AHRR: variants seen among roughly 807,000 people sequenced by gnomAD.
AHRR encodes aryl hydrocarbon receptor repressor.
AHRR carries 28 observed loss-of-function variants against 44.0 expected under a neutral mutation model. That is an observed-to-expected ratio of 0.64 (90% CI 0.47 to 0.87). The LOEUF is 0.87. Ranked by LOEUF, AHRR falls within the 40% of genes least tolerant of loss-of-function variation. AHRR has a pLI of 0.00. For missense variants in AHRR, 990 were observed against 953.9 expected (o/e 1.04, Z -0.50); for synonymous variants, 434 against 407.0 (o/e 1.07, Z -0.80).
At chr5:396,775 C>T (rs1435871590) in intron 4 of AHRR, among the ~76,000 whole-genome samples, 3 of 152,070 alleles carry the variant, frequency 2.0e-5, no homozygotes, top group African/African-American at 7.3e-5. Context: ...GTCCAGCTCC[C>T]CCTGCATTCG....
rs1742451166 is a variant in AHRR at position 343,728 on chromosome 5, A to AGGGGTCCCGGGCCAG, written c.-10-156_-10-142dup. 6.3e-6 allele frequency: 4 copies of AGGGGTCCCGGGCCAG among 630,856 alleles called. No individual in the cohort carries two copies. In the East Asian group the frequency reaches 9.9e-5, roughly 16 times the overall value. 39.1% of individuals were successfully genotyped at this position (630,856 alleles called of 1,614,324 possible). On this transcript the variant is annotated intron_variant, in intron 1 of 10. Transcript: ENST00000684583. Reference sequence around the variant, plus strand: ...TCCTCGGTGCGGGGTGCTGGAGAGCAGGGGTCCCGGGCCAGGGGGTCCCAC... The same window carrying AGGGGTCCCGGGCCAG: ...TCCTCGGTGCGGGGTGCTGGAGAGCAGGGGTCCCGGGCCAGGGGGTCCCGGGCCAGGGGGTCCCAC...
intron 4 of AHRR, among the ~76,000 whole-genome samples, chr5:410,099 C>T (rs1735414061): frequency 6.6e-6 from 1 of 152,208 alleles, no homozygotes; most frequent in African/African-American, 2.4e-5. Flanking sequence ...GTGACCAGAG[C>T]TTTATAGGAA....
At chr5:359,605 A>C (rs956008000) in intron 3 of AHRR, among the ~76,000 whole-genome samples, 11 of 152,204 alleles carry the variant, frequency 7.2e-5, no homozygotes, top group South Asian at 2.1e-4. Context: ...TGTCAGGATG[A>C]TGCTGCTCCC....
At chr5:364,813 G>A (rs1036669213) in intron 3 of AHRR, among the ~76,000 whole-genome samples, 1 of 152,068 alleles carries the variant, frequency 6.6e-6, no homozygotes, top group African/African-American at 2.4e-5. Flanking sequence ...AGGGTATACT[G>A]GGGAAATATA....
rs115581932 is a variant in AHRR at position 383,856 on chromosome 5, C to T, written c.351+7140C>T. 6.6e-6 allele frequency among the ~76,000 whole-genome samples: 1 copy of T among 152,286 alleles called. No individual in the cohort carries two copies. Among genetic ancestry groups the T allele is most frequent in the Non-Finnish European group, 1.5e-5 (1 of 68,028 alleles). ...TTGAGATTACAGGTGTGAGCCACCA[C>T]ACCCAGCCCCCAGCTTTCTTTTGAT... On this transcript the variant is annotated intron_variant, in intron 4 of 10. Transcript: ENST00000684583. This position sits in a 1 kb window ranked among gnomAD's most constrained non-coding sequence, Gnocchi z 4.0.
rs1734244874 is a variant in AHRR at position 388,137 on chromosome 5, G to C, written c.351+11421G>C. On this transcript the variant is annotated intron_variant, in intron 4 of 10. Transcript: ENST00000684583. This position sits in a 1 kb window ranked among gnomAD's most constrained non-coding sequence, Gnocchi z 5.2. ...ACAGGAAGGTCACATTCATGGGTTT[G>C]GAAGGAAATGAATTTTGGAGGACAC... Among the ~76,000 whole-genome samples, 4 of 152,298 alleles carry C rather than the reference G, an allele frequency of 2.6e-5. No homozygotes were observed. The South Asian group carries it at 8.3e-4, about 32-fold the overall frequency.
intron 5 of AHRR, among the ~76,000 whole-genome samples, chr5:420,226 C>G (rs190821575): frequency 1.5e-3 from 228 of 152,330 alleles, no homozygotes; most frequent in Non-Finnish European, 2.5e-3. Context: ...GGTAAGAGAG[C>G]TGTGAAGTCC....
At chr5:331,809 G>A (rs990690267) in intron 1 of AHRR, among the ~76,000 whole-genome samples, 3 of 152,108 alleles carry the variant, frequency 2.0e-5, no homozygotes, top group Non-Finnish European at 4.4e-5. Flanking sequence ...TAGGTTGCAC[G>A]TTCCTTATGA....
chr5:433,456 G>T (rs1432230875), intron 10 of AHRR, among the ~76,000 whole-genome samples: 5 of 152,248 alleles, frequency 3.3e-5, no homozygotes, highest in Admixed American at 2.6e-4. Flanking sequence ...CAGCAGCAGA[G>T]CTTGGCCACA....
chr5:369,393 A>AG (rs1221815948), intron 3 of AHRR, among the ~76,000 whole-genome samples: 11 of 152,160 alleles, frequency 7.2e-5, no homozygotes, highest in African/African-American at 1.2e-4. Flanking sequence ...CACAGCCTGA[A>AG]GGGGCAGCTT....
At chr5:389,661 C>T (rs1001795014) in intron 4 of AHRR, among the ~76,000 whole-genome samples, 2 of 152,082 alleles carry the variant, frequency 1.3e-5, no homozygotes, top group South Asian at 4.2e-4. Context: ...CAGAGCACTG[C>T]ACGCCTCCAC....
rs775048418 is a variant in AHRR at position 413,311 on chromosome 5, CG to C, written c.352-32del. 6.3e-6 allele frequency: 9 copies of C among 1,436,302 alleles called. No homozygotes were observed. The African/African-American group carries it at 1.0e-4, about 16-fold the overall frequency. The allele number at this position is 1,436,302 out of a possible 1,614,324, so 89.0% of individuals were successfully genotyped here. On this transcript the variant is annotated intron_variant, in intron 4 of 10. Coordinates refer to ENST00000684583, the MANE Select transcript of AHRR (RefSeq NM_001377236.1). ...CTTTTTCATTTTGGGTGAGCCAATTCGATTTTTTTTTTTGTTTTGTTTTTTC... is the reference window on the plus strand; with the variant it reads ...CTTTTTCATTTTGGGTGAGCCAATTCATTTTTTTTTTTGTTTTGTTTTTTC...
At chr5:384,086 C>T (rs1274349811) in intron 4 of AHRR, among the ~76,000 whole-genome samples, 1 of 151,984 alleles carries the variant, frequency 6.6e-6, no homozygotes, top group Non-Finnish European at 1.5e-5. Context: ...CTCCTTATTC[C>T]TGATAGTTTC....
chr5:323,744 C>CAA (rs1741590515), intron 1 of AHRR, among the ~76,000 whole-genome samples: 1 of 152,192 alleles, frequency 6.6e-6, no homozygotes, highest in Admixed American at 6.5e-5. Context: ...TGGAGAGATG[C>CAA]CGCCGGGTGG....
intron 4 of AHRR, among the ~76,000 whole-genome samples, chr5:407,771 T>G (rs1320543995): frequency 6.6e-6 from 1 of 152,200 alleles, no homozygotes; most frequent in Non-Finnish European, 1.5e-5. Context: ...ACTCCTGACC[T>G]CGTGATCCAC....
chr5:351,951 C>G (rs930406535), intron 2 of AHRR, among the ~76,000 whole-genome samples: 2 of 152,218 alleles, frequency 1.3e-5, no homozygotes, highest in African/African-American at 4.8e-5. Flanking sequence ...AAAAGAGACC[C>G]AAACCCCTGG....
chr5:424,398 C>A (rs80207638), intron 7 of AHRR, among the ~76,000 whole-genome samples: 1,486 of 80,136 alleles, frequency 0.019, 16 homozygotes, highest in Admixed American at 0.035. Context: ...GGTGGGGGGG[C>A]GAGGGCCGGT....
At position 434,939 on chromosome 5, in the gene AHRR, C is replaced by G. The variant is rs978779556; in HGVS notation, c.*105C>G. 9.1e-6 allele frequency: 13 copies of G among 1,422,556 alleles called. No homozygotes were observed. In the Middle Eastern group the frequency reaches 7.6e-4, roughly 83 times the overall value. The allele number at this position is 1,422,556 out of a possible 1,614,324, so 88.1% of individuals were successfully genotyped here. A position where few individuals can be genotyped will look rare whatever the true frequency, so the allele number is the denominator to read the frequency against. ...AGGCCGGAGCCCGTCCTAAGACACA[C>G]GCTTTGCAGAGCTGTGCATGCGCAG... On this transcript the variant is annotated 3_prime_UTR_variant, in exon 11 of 11. Transcript: ENST00000684583.
At chr5:355,805 G>A (rs1743018675) in intron 3 of AHRR, among the ~76,000 whole-genome samples, 1 of 152,250 alleles carries the variant, frequency 6.6e-6, no homozygotes, top group Non-Finnish European at 1.5e-5. Flanking sequence ...CGCAGCTGCA[G>A]TGACTCTCAG....
Sources: allele counts gnomAD v4.1 joint callset (sites outside exome capture counted in the v4.1 genomes callset), GRCh38; gene constraint gnomAD v4.1.1; non-coding constraint Gnocchi (gnomAD v3.1); transcripts MANE v1.5; gene names NCBI Gene and HGNC (gene_info 2026-07-23, HGNC 2026-07-21).